MACROD2: variants seen among roughly 807,000 people sequenced by gnomAD.
The protein encoded by MACROD2 is ADP-ribose glycohydrolase MACROD2.
MACROD2 carries 36 observed loss-of-function variants against 70.4 expected under a neutral mutation model. The ratio of observed to expected loss-of-function variants is 0.51; its 90% CI spans 0.39 to 0.68. The LOEUF (loss-of-function observed/expected upper bound fraction) is 0.68. MACROD2 is among the 30% of genes least tolerant of loss of function. The pLI is 0.00. For synonymous variants in MACROD2, 172 were observed against 178.8 expected, an observed-to-expected ratio of 0.96 and a Z score of 0.30; for missense variants, 496 against 538.4, an observed-to-expected ratio of 0.92 and a Z score of 0.78.
intron 5 of MACROD2, among the ~76,000 whole-genome samples, chr20:15,086,314 T>C (rs2123149796): frequency 6.6e-6 from 1 of 152,336 alleles, no homozygotes; most frequent in Admixed American, 6.5e-5. Flanking sequence ...ATGTATGTTA[T>C]CTTTTGCTAA....
chr20:15,333,114 C>T (rs2146194161), intron 6 of MACROD2, among the ~76,000 whole-genome samples: 1 of 151,630 alleles, frequency 6.6e-6, no homozygotes, highest in South Asian at 2.1e-4. Context: ...TTACCTAGAG[C>T]AATGGTTCCC....
At chr20:14,582,076 C>G (rs1400488615) in intron 4 of MACROD2, among the ~76,000 whole-genome samples, 1 of 152,132 alleles carries the variant, frequency 6.6e-6, no homozygotes, top group Non-Finnish European at 1.5e-5. Context: ...TTTACACTTC[C>G]TATCCCATTC....
chr20:14,607,696 G>A (rs915180676), intron 4 of MACROD2, among the ~76,000 whole-genome samples: 3 of 152,064 alleles, frequency 2.0e-5, no homozygotes, highest in South Asian at 2.1e-4. Context: ...TTGTTATAAC[G>A]CTACATGACG....
At chr20:14,283,661 A>C (rs578221759) in intron 3 of MACROD2, among the ~76,000 whole-genome samples, 1 of 152,160 alleles carries the variant, frequency 6.6e-6, no homozygotes, top group African/African-American at 2.4e-5. Flanking sequence ...GAGAGCACAC[A>C]ATTTTTTTTT....
intron 5 of MACROD2, among the ~76,000 whole-genome samples, chr20:15,127,819 T>G (rs2076077484): frequency 6.6e-6 from 1 of 152,040 alleles, no homozygotes; most frequent in South Asian, 2.1e-4. Context: ...TGGTGCATTG[T>G]GGGAGGAAAC....
At chr20:15,361,947 A>G (rs2078356166) in intron 6 of MACROD2, among the ~76,000 whole-genome samples, 1 of 150,930 alleles carries the variant, frequency 6.6e-6, no homozygotes, top group Non-Finnish European at 1.5e-5. Flanking sequence ...AATTTTGGAG[A>G]TTCCTTGGAA....
At chr20:14,395,232 AGTTT>A (rs1040886591) in intron 3 of MACROD2, among the ~76,000 whole-genome samples, 4 of 151,904 alleles carry the variant, frequency 2.6e-5, no homozygotes, top group African/African-American at 4.8e-5. Flanking sequence ...ATTGATTATT[AGTTT>A]GTTTTTTGTG....
chr20:14,807,336 C>T (rs1205285801), intron 5 of MACROD2, among the ~76,000 whole-genome samples: 1 of 152,112 alleles, frequency 6.6e-6, no homozygotes, highest in Non-Finnish European at 1.5e-5. Context: ...TCCAGAAGAC[C>T]TACAGAAGAG....
intron 5 of MACROD2, among the ~76,000 whole-genome samples, chr20:15,062,186 C>T (rs950847854): frequency 1.3e-5 from 2 of 152,054 alleles, no homozygotes; most frequent in Admixed American, 6.5e-5. Context: ...TCTCTTAGAT[C>T]CTGAAAATAG....
intron 6 of MACROD2, among the ~76,000 whole-genome samples, chr20:15,283,795 G>A (rs1381306019): frequency 6.6e-6 from 1 of 152,156 alleles, no homozygotes; most frequent in East Asian, 1.9e-4. Context: ...AACCCAGTGA[G>A]TTCTCTTCCA....
intron 5 of MACROD2, among the ~76,000 whole-genome samples, chr20:15,110,205 G>A (rs2075944028): frequency 6.6e-6 from 1 of 152,132 alleles, no homozygotes; most frequent in African/African-American, 2.4e-5. Flanking sequence ...TGCCCAAGGA[G>A]AGGCCAGAAA....
rs118139491 is a variant in MACROD2, at chr20:14,190,023, A to T, written c.271+104295A>T. On this transcript the variant is annotated intron_variant, in intron 3 of 17. Transcript: ENST00000684519. ...TAAGCAGCATTAAGGAATTTCATAC[A>T]CAACTGTATATCTCTAAAACTTCCA... Among the ~76,000 whole-genome samples the T allele has an allele frequency of 2.6e-3, 396 of 152,310 alleles. 4 individuals are homozygous for T. Among genetic ancestry groups the T allele is most frequent in the Non-Finnish European group, 4.9e-3 (331 of 68,022 alleles).
chr20:16,020,630 G>A (rs1221087270), intron 15 of MACROD2, among the ~76,000 whole-genome samples: 1 of 150,050 alleles, frequency 6.7e-6, no homozygotes, highest in Non-Finnish European at 1.5e-5. Flanking sequence ...TATCGATGAG[G>A]ACATTGATTG....
At chr20:14,479,176 C>T in intron 3 of MACROD2, among the ~76,000 whole-genome samples, 1 of 152,050 alleles carries the variant, frequency 6.6e-6, no homozygotes, top group East Asian at 1.9e-4. Flanking sequence ...ATGGAAAGCC[C>T]TTCCTGGGCT....
chr20:14,891,962 A>G (rs1462841767), intron 5 of MACROD2, among the ~76,000 whole-genome samples: 1 of 151,828 alleles, frequency 6.6e-6, no homozygotes, highest in East Asian at 1.9e-4. Context: ...ATTAGTTAAC[A>G]TTATATTATG....
chr20:14,430,668 A>G (rs1054111996), intron 3 of MACROD2, among the ~76,000 whole-genome samples: 1 of 152,132 alleles, frequency 6.6e-6, no homozygotes, highest in Non-Finnish European at 1.5e-5. Context: ...CTTTTTCAGT[A>G]TGAGAATCCT....
chr20:15,885,679 A>G, intron 9 of MACROD2, 85 bp from the exon 10 acceptor site: 4 of 1,246,566 alleles, frequency 3.2e-6, no homozygotes, highest in Non-Finnish European at 4.2e-6. Context: ...CCTTTCTTTG[A>G]TTTTTTTTAA....
At chr20:14,267,820 G>A (rs1348596468) in intron 3 of MACROD2, among the ~76,000 whole-genome samples, 1 of 151,906 alleles carries the variant, frequency 6.6e-6, no homozygotes, top group East Asian at 1.9e-4. Context: ...GTGATGACAT[G>A]GACTCTCTCC....
chr20:15,544,843 C>T (rs1450537878), intron 8 of MACROD2, among the ~76,000 whole-genome samples: 4 of 152,204 alleles, frequency 2.6e-5, no homozygotes, highest in Non-Finnish European at 5.9e-5. Flanking sequence ...TACCCTCTGA[C>T]TTCTAGCCCT....
Sources: allele counts gnomAD v4.1 joint callset (sites outside exome capture counted in the v4.1 genomes callset), GRCh38; gene constraint gnomAD v4.1.1; transcripts MANE v1.5; gene names NCBI Gene and HGNC (gene_info 2026-07-23, HGNC 2026-07-21).